ARMH4: variants seen among roughly 807,000 people sequenced by gnomAD.
The protein encoded by ARMH4 is armadillo like helical domain containing 4.
A neutral mutation model predicts 61.9 loss-of-function variants in ARMH4; 49 were observed. The ratio of observed to expected loss-of-function variants is 0.79; its 90% CI spans 0.63 to 1.00. The LOEUF is 1.00. ARMH4 is among the 50% of genes least tolerant of loss of function. The probability of loss-of-function intolerance (pLI) is 0.00; values close to 1 mark genes in which losing one functional copy is unlikely to be tolerated. For missense variants in ARMH4, 934 were observed against 930.0 expected (o/e 1.00, Z -0.06); for synonymous variants, 368 against 341.5 (o/e 1.08, Z -0.85).
At position 58,029,530 on chromosome 14, in the gene ARMH4, G is replaced by A. The variant is rs149764393; in HGVS notation, c.2090-17380C>T. Among the ~76,000 whole-genome samples, 14 of 152,110 alleles carry A rather than the reference G, an allele frequency of 9.2e-5. No individual in the cohort carries two copies. The East Asian group carries it at 1.7e-3, about 19-fold the overall frequency. On this transcript the variant is annotated intron_variant, in intron 5 of 7. Transcript: ENST00000267485. ...ATTACAGGTGTGAGCCACCGTGCCC[G>A]GCCAGCATAATATTCTTAAGGTTAA... is the stretch of plus-strand genomic sequence containing the variant.
rs552523914 is a variant in ARMH4, at chr14:58,029,848, G to A, written c.2090-17698C>T. The stretch of plus-strand genomic sequence containing the variant: ...TGACATATAACCCAGCAATTCCACT[G>A]TTAGGTATATACTCACAAGAACCGA... On this transcript the variant is annotated intron_variant, in intron 5 of 7. Coordinates refer to ENST00000267485, the MANE Select transcript of ARMH4 (RefSeq NM_001001872.4). Among the ~76,000 whole-genome samples the A allele has an allele frequency of 5.3e-5, 8 of 152,224 alleles. No homozygotes were observed. In the East Asian group the frequency reaches 1.5e-3, roughly 29 times the overall value.
intron 5 of ARMH4, among the ~76,000 whole-genome samples, chr14:58,092,386 G>T (rs1006610713): frequency 5.3e-5 from 8 of 152,332 alleles, no homozygotes; most frequent in Admixed American, 5.2e-4. Context: ...GAGCATAGCT[G>T]CCATGAGGCT....
intron 5 of ARMH4, among the ~76,000 whole-genome samples, chr14:58,091,636 T>C (rs1885567309): frequency 6.6e-6 from 1 of 152,190 alleles, no homozygotes; most frequent in South Asian, 2.1e-4. Context: ...ATACTGATTT[T>C]TACACTTTAA....
chr14:58,046,028 T>C (rs193260242), intron 5 of ARMH4, among the ~76,000 whole-genome samples: 5 of 152,334 alleles, frequency 3.3e-5, no homozygotes, highest in African/African-American at 1.2e-4. Context: ...CACCTGGCTT[T>C]TTACTTCCAG....
Position 58,097,053 on chromosome 14 carries a change from A to G in ARMH4, c.1832-72T>C. ...ATGCTGAAACAAATGAATCCTTGGA[A>G]ATGATCCAAACACTACAAAATAATT... On this transcript the variant is annotated intron_variant, in intron 4 of 7. Transcript: ENST00000267485. 4.1e-6 allele frequency: 6 copies of G among 1,472,922 alleles called. No homozygotes were observed. In the South Asian group the frequency reaches 7.0e-5, roughly 17 times the overall value. The allele number at this position is 1,472,922 out of a possible 1,614,324, so 91.2% of individuals were successfully genotyped here.
chr14:58,127,701 A>G (rs1211599736), intron 4 of ARMH4, among the ~76,000 whole-genome samples: 3 of 152,154 alleles, frequency 2.0e-5, no homozygotes, highest in Non-Finnish European at 4.4e-5. Context: ...TTTCTTGCAG[A>G]AGAGCTAACC....
intron 5 of ARMH4, among the ~76,000 whole-genome samples, chr14:58,053,600 G>A (rs1884222009): frequency 6.6e-6 from 1 of 152,172 alleles, no homozygotes; most frequent in African/African-American, 2.4e-5. Context: ...CCTGGTAGAA[G>A]ATCTCTAGCC....
At chr14:58,052,882 C>T (rs112265782) in intron 5 of ARMH4, among the ~76,000 whole-genome samples, 4,058 of 152,184 alleles carry the variant, frequency 0.027, 121 homozygotes, top group Non-Finnish European at 0.037. Flanking sequence ...TCCCTCTCCC[C>T]ACCCCTACTC....
chr14:58,075,962 C>T (rs950593168), intron 5 of ARMH4, among the ~76,000 whole-genome samples: 2 of 151,530 alleles, frequency 1.3e-5, no homozygotes, highest in Non-Finnish European at 2.9e-5. Context: ...TAACCAATAC[C>T]TGGTACTTAT....
At chr14:58,106,230 C>T (rs1566582709) in intron 4 of ARMH4, among the ~76,000 whole-genome samples, 1 of 152,264 alleles carries the variant, frequency 6.6e-6, no homozygotes, top group Admixed American at 6.5e-5. Flanking sequence ...GCATCCTTAC[C>T]GAGATCAAGT....
chr14:58,030,080 T>C (rs1883172400), intron 5 of ARMH4, among the ~76,000 whole-genome samples: 1 of 152,200 alleles, frequency 6.6e-6, no homozygotes, highest in Non-Finnish European at 1.5e-5. Context: ...CTTGAAAACA[T>C]TACACTAAGT....
intron 4 of ARMH4, 26 bp from the exon 5 acceptor site, chr14:58,097,007 G>C: frequency 6.2e-7 from 1 of 1,604,992 alleles, no homozygotes; most frequent in Non-Finnish European, 8.5e-7. Context: ...TCAAAGGGAA[G>C]CATAAACATA....
At chr14:58,132,395 G>A (rs72716921) in intron 3 of ARMH4, among the ~76,000 whole-genome samples, 576 of 152,202 alleles carry the variant, frequency 3.8e-3, no homozygotes, top group Non-Finnish European at 6.3e-3. Flanking sequence ...AACTTAGCTT[G>A]AGGCTACAAT....
intron 4 of ARMH4, among the ~76,000 whole-genome samples, chr14:58,129,354 C>T (rs1052953637): frequency 6.6e-6 from 1 of 152,188 alleles, no homozygotes; most frequent in Non-Finnish European, 1.5e-5. Context: ...TGTCCCTTTC[C>T]AAATCCCATG....
chr14:58,031,543 G>A (rs1482502766), intron 5 of ARMH4, among the ~76,000 whole-genome samples: 2 of 152,178 alleles, frequency 1.3e-5, no homozygotes, highest in Non-Finnish European at 2.9e-5. Flanking sequence ...CACTTGCTCC[G>A]TGGTCCAACA....
chr14:58,086,240 T>C (rs1017472877), intron 5 of ARMH4, among the ~76,000 whole-genome samples: 2 of 152,206 alleles, frequency 1.3e-5, no homozygotes, highest in Admixed American at 1.3e-4. Context: ...TCTGATCGTT[T>C]CTACAGTGAA....
chr14:58,061,009 C>A (rs1439073590), intron 5 of ARMH4, among the ~76,000 whole-genome samples: 1 of 152,176 alleles, frequency 6.6e-6, no homozygotes, highest in African/African-American at 2.4e-5. Flanking sequence ...CAGAAGCAGC[C>A]TGCATCAATA....
chr14:58,009,140 A>G (rs898633835), intron 6 of ARMH4, among the ~76,000 whole-genome samples: 4 of 152,162 alleles, frequency 2.6e-5, no homozygotes, highest in Non-Finnish European at 1.5e-5. Flanking sequence ...GGCACAAAAT[A>G]AAAATGACTT....
chr14:58,131,390 T>C, intron 4 of ARMH4, 122 bp downstream of exon 4: 1 of 728,566 alleles, frequency 1.4e-6, no homozygotes, highest in South Asian at 2.3e-5. Context: ...CCAGCTGTAG[T>C]TTACTGTCCT....
Sources: gnomAD v4.1 joint callset for allele counts (sites outside exome capture counted in the v4.1 genomes callset) on GRCh38, gnomAD v4.1.1 for gene constraint, MANE v1.5 for transcripts, NCBI Gene and HGNC (gene_info 2026-07-23, HGNC 2026-07-21) for gene names.